Variants in NFIC observed in about 807,000 individuals in gnomAD.
NFIC encodes the protein nuclear factor 1 C-type.
NFIC carries 12 observed loss-of-function variants against 54.4 expected under a neutral mutation model. The ratio of observed to expected loss-of-function variants is 0.22; its 90% CI spans 0.14 to 0.36. NFIC has a LOEUF of 0.36. NFIC is among the 10% of genes least tolerant of loss of function. The probability of loss-of-function intolerance (pLI) is 1.00; values close to 1 mark genes in which losing one functional copy is unlikely to be tolerated. For synonymous variants in NFIC, 322 were observed against 319.2 expected, an observed-to-expected ratio of 1.01 and a Z score of -0.09; for missense variants, 575 against 718.2, an observed-to-expected ratio of 0.80 and a Z score of 2.28.
In NFIC at chr19:3,375,521, G is replaced by A. The variant is rs894202367; in HGVS notation, c.31-6191G>A. Among the ~76,000 whole-genome samples the A allele has an allele frequency of 2.6e-5, 4 of 152,204 alleles. No homozygotes were observed. The highest frequency in any genetic ancestry group is 1.9e-4 in the East Asian group (1 of 5,186). On this transcript the variant is annotated intron_variant, in intron 1 of 10. Coordinates refer to ENST00000443272, the MANE Select transcript of NFIC (RefSeq NM_001245002.2). This position sits in a 1 kb window ranked among gnomAD's most constrained non-coding sequence, Gnocchi z 4.6. Reference sequence around the variant, plus strand: ...GACGAGATTGGACAGGGCCTGGGCCGGGCCCCCTCCACCTCCCCTTTGCCT... The same window carrying A: ...GACGAGATTGGACAGGGCCTGGGCCAGGCCCCCTCCACCTCCCCTTTGCCT...
At chr19:3,443,097 A>C (rs1415819772) in intron 6 of NFIC, among the ~76,000 whole-genome samples, 1 of 152,200 alleles carries the variant, frequency 6.6e-6, no homozygotes, top group Non-Finnish European at 1.5e-5. Flanking sequence ...GCCAGCCCCA[A>C]TGTCTACAGT....
At chr19:3,417,627 T>TC (rs2081882929) in intron 2 of NFIC, among the ~76,000 whole-genome samples, 1 of 143,452 alleles carries the variant, frequency 7.0e-6, no homozygotes, top group African/African-American at 2.6e-5. Flanking sequence ...TTCTTTTCTT[T>TC]TTTTTTTTTT....
intron 2 of NFIC, among the ~76,000 whole-genome samples, chr19:3,420,559 AT>A (rs2081938019): frequency 1.3e-5 from 2 of 150,824 alleles, no homozygotes; most frequent in African/African-American, 4.9e-5. Context: ...TCTCAAAAAA[AT>A]AAATAAATAA....
rs1250246352 is a variant in NFIC, at chr19:3,372,465, G to T, written c.30+5799G>T. 3.3e-5 allele frequency among the ~76,000 whole-genome samples: 5 copies of T among 152,202 alleles called. No individual in the cohort carries two copies. In the East Asian group the frequency reaches 9.6e-4, roughly 29 times the overall value. ...CAGAAGATGGGAGCATTGCTTCAGTGGTCTGGATGCTGGAGATGCTAACAG... is the reference window on the plus strand; with the variant it reads ...CAGAAGATGGGAGCATTGCTTCAGTTGTCTGGATGCTGGAGATGCTAACAG... On this transcript the variant is annotated intron_variant, in intron 1 of 10. Coordinates refer to ENST00000443272, the MANE Select transcript of NFIC (RefSeq NM_001245002.2).
Position 3,404,754 on chromosome 19 carries a change from C to T in NFIC, c.563-20352C>T, listed in dbSNP as rs1351423960. On this transcript the variant is annotated intron_variant, in intron 2 of 10. Coordinates refer to ENST00000443272, the MANE Select transcript of NFIC (RefSeq NM_001245002.2). ...GCCAGAGGGATGATGTCATGGGCGGCGTGGCCTCCCAGAGCGTCCCCAGCA... is the reference window on the plus strand; with the variant it reads ...GCCAGAGGGATGATGTCATGGGCGGTGTGGCCTCCCAGAGCGTCCCCAGCA... Among the ~76,000 whole-genome samples, 8 of 152,216 alleles carry T rather than the reference C, an allele frequency of 5.3e-5. No individual in the cohort carries two copies. The East Asian group carries it at 1.5e-3, about 29-fold the overall frequency.
At chr19:3,425,937 T>A (rs2082021136) in intron 3 of NFIC, among the ~76,000 whole-genome samples, 1 of 126,964 alleles carries the variant, frequency 7.9e-6, no homozygotes, top group South Asian at 2.9e-4. Context: ...TTTTTTTTTT[T>A]TTTTTTTTTT....
At chr19:3,365,549 C>G (rs1029752504), upstream of NFIC, among the ~76,000 whole-genome samples, 12 of 152,298 alleles carry the variant, frequency 7.9e-5, no homozygotes, top group African/African-American at 2.9e-4. Context: ...GGTCTCTGCC[C>G]TGTTACGTCT....
intron 9 of NFIC, among the ~76,000 whole-genome samples, chr19:3,454,903 C>T (rs2082528598): frequency 6.6e-6 from 1 of 152,158 alleles, no homozygotes; most frequent in Admixed American, 6.6e-5. Flanking sequence ...AAACCGGCTT[C>T]TGATCACTGG....
At chr19:3,424,508 C>T (rs1451357050) in intron 2 of NFIC, among the ~76,000 whole-genome samples, 1 of 152,104 alleles carries the variant, frequency 6.6e-6, no homozygotes, top group Non-Finnish European at 1.5e-5. Flanking sequence ...TCCCAAGTAG[C>T]TGGGATTACA....
intron 6 of NFIC, among the ~76,000 whole-genome samples, chr19:3,440,812 C>T (rs1373773525): frequency 2.0e-5 from 3 of 152,130 alleles, no homozygotes; most frequent in Non-Finnish European, 2.9e-5. Flanking sequence ...TGAGCCACTG[C>T]GCCTGGCCTT....
intron 2 of NFIC, among the ~76,000 whole-genome samples, chr19:3,405,765 A>G (rs1367105410): frequency 6.6e-6 from 1 of 151,670 alleles, no homozygotes; most frequent in East Asian, 1.9e-4. Flanking sequence ...ACACCCAGCT[A>G]ATTTTTTTGT....
rs1357367849 is a variant in NFIC, at chr19:3,459,234, C to T, written c.1509+2599C>T. 6.6e-6 allele frequency among the ~76,000 whole-genome samples: 1 copy of T among 151,386 alleles called. No individual in the cohort carries two copies. Among genetic ancestry groups the T allele is most frequent in the African/African-American group, 2.4e-5 (1 of 41,124 alleles). On this transcript the variant is annotated intron_variant, in intron 10 of 10. Transcript: ENST00000443272. This position sits in a 1 kb window ranked among gnomAD's most constrained non-coding sequence, Gnocchi z 4.2. ...TCTGCCTCTCCGGCTCCCGACACCC[C>T]CCAGTCCATGGACTCTCCCCCCATC... is the stretch of plus-strand genomic sequence containing the variant.
chr19:3,367,191 C>G (rs182148098), intron 1 of NFIC, among the ~76,000 whole-genome samples: 3 of 152,188 alleles, frequency 2.0e-5, no homozygotes, highest in Admixed American at 6.5e-5. Flanking sequence ...CCCTGGCCCT[C>G]GGTCGCCTTT....
intron 2 of NFIC, among the ~76,000 whole-genome samples, chr19:3,418,148 G>A (rs1367531492): frequency 6.7e-6 from 1 of 149,556 alleles, no homozygotes; most frequent in Non-Finnish European, 1.5e-5. Flanking sequence ...ACCCAAGCTG[G>A]AGTGCGGTGA....
chr19:3,420,377 C>T (rs1290095607), intron 2 of NFIC, among the ~76,000 whole-genome samples: 1 of 151,892 alleles, frequency 6.6e-6, no homozygotes, highest in Non-Finnish European at 1.5e-5. Flanking sequence ...CCTATCTCTA[C>T]TAAAAATACA....
At chr19:3,406,987 G>T (rs1378725905) in intron 2 of NFIC, among the ~76,000 whole-genome samples, 1 of 150,030 alleles carries the variant, frequency 6.7e-6, no homozygotes, top group Non-Finnish European at 1.5e-5. Context: ...GGCTGGAGCA[G>T]AGTGAGCGAG....
Position 3,459,548 on chromosome 19 carries a change from C to T in NFIC, c.1509+2913C>T, listed in dbSNP as rs572489618. Reference sequence around the variant, plus strand: ...GCAGGATACCAGAGCCCAAACCTCCCCCTTCACACCTACTGCCTCAGTCTC... The same window carrying T: ...GCAGGATACCAGAGCCCAAACCTCCTCCTTCACACCTACTGCCTCAGTCTC... On this transcript the variant is annotated intron_variant, in intron 10 of 10. Coordinates refer to ENST00000443272, the MANE Select transcript of NFIC (RefSeq NM_001245002.2). This position sits in a 1 kb window ranked among gnomAD's most constrained non-coding sequence, Gnocchi z 4.2. Among the ~76,000 whole-genome samples, 4 of 152,306 alleles carry T rather than the reference C, an allele frequency of 2.6e-5. No individual in the cohort carries two copies. The highest frequency in any genetic ancestry group is 1.9e-4 in the East Asian group (1 of 5,168).
rs1269378023 is a variant in NFIC, at chr19:3,459,445, T to C, written c.1509+2810T>C. Among the ~76,000 whole-genome samples the C allele has an allele frequency of 6.6e-6, 1 of 151,022 alleles. No individual in the cohort carries two copies. Among genetic ancestry groups the C allele is most frequent in the African/African-American group, 2.5e-5 (1 of 40,332 alleles). ...CTGCACGGGAACCCACGTAAGCAGC[T>C]GGGTAAACCGAGGGTGGGGGGCAAG... is the stretch of plus-strand genomic sequence containing the variant. On this transcript the variant is annotated intron_variant, in intron 10 of 10. Transcript: ENST00000443272. This position sits in a 1 kb window ranked among gnomAD's most constrained non-coding sequence, Gnocchi z 4.2.
At position 3,375,537 on chromosome 19, in the gene NFIC, C is replaced by T. The variant is rs1398515458; in HGVS notation, c.31-6175C>T. On this transcript the variant is annotated intron_variant, in intron 1 of 10. Transcript: ENST00000443272. The surrounding 1 kb of genome is among the most constrained non-coding windows in gnomAD (Gnocchi z 4.6). ...GCCTGGGCCGGGCCCCCTCCACCTC[C>T]CCTTTGCCTTAGCAGGTTGGCTGGG... 6.6e-6 allele frequency among the ~76,000 whole-genome samples: 1 copy of T among 152,250 alleles called. No homozygotes were observed. The highest frequency in any genetic ancestry group is 1.5e-5 in the Non-Finnish European group (1 of 68,048).
Sources: allele counts gnomAD v4.1 joint callset (sites outside exome capture counted in the v4.1 genomes callset), GRCh38; gene constraint gnomAD v4.1.1; non-coding constraint Gnocchi (gnomAD v3.1); transcripts MANE v1.5; gene names NCBI Gene and HGNC (gene_info 2026-07-23, HGNC 2026-07-21).